NBEA: variants seen among roughly 807,000 people sequenced by gnomAD.
The protein encoded by NBEA is lysosomal-trafficking regulator 2.
Under a neutral mutation model 343.4 loss-of-function variants are expected in NBEA, and 44 were observed. The observed-to-expected ratio is 0.13, with a 90% CI of 0.10 to 0.16. NBEA has a LOEUF of 0.16. Among genes scored for constraint, NBEA ranks in the 10% least tolerant of loss-of-function variants. The pLI is 1.00. For synonymous variants in NBEA, 1,175 were observed against 1,238.7 expected, an observed-to-expected ratio of 0.95 and a Z score of 1.08; for missense variants, 2,555 against 3,631.3, an observed-to-expected ratio of 0.70 and a Z score of 7.62.
intron 40 of NBEA, among the ~76,000 whole-genome samples, chr13:35,453,608 G>C (rs1434971271): frequency 1.3e-5 from 2 of 152,104 alleles, no homozygotes; most frequent in East Asian, 3.8e-4. Flanking sequence ...GACCCTTTTA[G>C]ATTATGTGTT....
At chr13:35,020,212 T>C (rs950095775) in intron 1 of NBEA, among the ~76,000 whole-genome samples, 4 of 152,178 alleles carry the variant, frequency 2.6e-5, no homozygotes, top group African/African-American at 4.8e-5. Flanking sequence ...CATTTTTATT[T>C]AGCTCAAAAA....
intron 35 of NBEA, among the ~76,000 whole-genome samples, chr13:35,293,035 C>T (rs1163348603): frequency 2.0e-5 from 3 of 151,768 alleles, no homozygotes. Flanking sequence ...TTGGAAATTT[C>T]CTGTTAGCAA....
intron 41 of NBEA, chr13:35,477,138 G>T (rs2075910546): frequency 1.2e-5 from 2 of 166,884 alleles, no homozygotes; most frequent in Non-Finnish European, 2.9e-5. Flanking sequence ...TTAAATGCAG[G>T]TTGAAAGTTT....
chr13:35,577,900 G>A (rs936525317), intron 45 of NBEA, among the ~76,000 whole-genome samples: 2 of 152,088 alleles, frequency 1.3e-5, no homozygotes, highest in African/African-American at 4.8e-5. Flanking sequence ...TAAAAAGGGA[G>A]CCCGGGAATT....
intron 1 of NBEA, among the ~76,000 whole-genome samples, chr13:35,039,100 G>A (rs2062555022): frequency 6.6e-6 from 1 of 152,116 alleles, no homozygotes; most frequent in African/African-American, 2.4e-5. Context: ...TCTTGTGGGT[G>A]GACATCAGCT....
chr13:35,400,522 G>A (rs979589354), intron 38 of NBEA, among the ~76,000 whole-genome samples: 4 of 151,812 alleles, frequency 2.6e-5, no homozygotes, highest in African/African-American at 9.7e-5. Flanking sequence ...TATTTTTTGA[G>A]GATTATACCA....
chr13:35,242,743 C>T (rs1023135546), intron 34 of NBEA, among the ~76,000 whole-genome samples: 1 of 151,730 alleles, frequency 6.6e-6, no homozygotes, highest in Non-Finnish European at 1.5e-5. Flanking sequence ...ATTTAAAGTG[C>T]ATGAAGTAAA....
chr13:35,499,763 C>T (rs1250941281), intron 41 of NBEA, among the ~76,000 whole-genome samples: 1 of 152,104 alleles, frequency 6.6e-6, no homozygotes, highest in Non-Finnish European at 1.5e-5. Flanking sequence ...TTTCTCCCCT[C>T]AGACTGCCTA....
intron 33 of NBEA, among the ~76,000 whole-genome samples, chr13:35,231,173 G>C (rs769251447): frequency 6.6e-6 from 1 of 152,044 alleles, no homozygotes; most frequent in Non-Finnish European, 1.5e-5. Context: ...CTGTTGACAC[G>C]GGTAAGAGGA....
intron 44 of NBEA, among the ~76,000 whole-genome samples, chr13:35,558,836 C>A (rs1475605325): frequency 6.6e-6 from 1 of 152,072 alleles, no homozygotes; most frequent in Non-Finnish European, 1.5e-5. Context: ...GGATTAAGTG[C>A]CATTCAGTGT....
At chr13:35,511,007 G>GA (rs1269248567) in intron 41 of NBEA, among the ~76,000 whole-genome samples, 2 of 151,978 alleles carry the variant, frequency 1.3e-5, no homozygotes, top group Admixed American at 6.6e-5. Context: ...ATAATAAGTA[G>GA]AAAACATGAA....
At chr13:35,388,695 G>T (rs1042303224) in intron 38 of NBEA, among the ~76,000 whole-genome samples, 1 of 152,172 alleles carries the variant, frequency 6.6e-6, no homozygotes, top group Non-Finnish European at 1.5e-5. Flanking sequence ...ATTGTGCTTA[G>T]TTAAATAAAT....
At chr13:35,143,889 T>G (rs2068239513) in intron 18 of NBEA, among the ~76,000 whole-genome samples, 1 of 147,310 alleles carries the variant, frequency 6.8e-6, no homozygotes, top group African/African-American at 2.6e-5. Flanking sequence ...CCCTGTCCCC[T>G]TCAAAAAAAA....
At chr13:35,077,271 T>C (rs2064161368) in intron 10 of NBEA, among the ~76,000 whole-genome samples, 1 of 152,142 alleles carries the variant, frequency 6.6e-6, no homozygotes, top group South Asian at 2.1e-4. Flanking sequence ...GCCTTCAATT[T>C]AGGCTTATAC....
intron 18 of NBEA, among the ~76,000 whole-genome samples, chr13:35,145,170 A>G (rs1160328602): frequency 1.3e-5 from 2 of 152,202 alleles, no homozygotes. Flanking sequence ...TGACCATTCA[A>G]GTAGTTCATG....
chr13:35,406,209 T>A (rs2043259598), intron 38 of NBEA, among the ~76,000 whole-genome samples: 1 of 152,160 alleles, frequency 6.6e-6, no homozygotes, highest in Admixed American at 6.6e-5. Flanking sequence ...TTTTCCTTCA[T>A]GTTAATAAAG....
chr13:35,465,037 G>C (rs978458384), intron 40 of NBEA, among the ~76,000 whole-genome samples: 3 of 151,994 alleles, frequency 2.0e-5, no homozygotes, highest in Admixed American at 1.3e-4. Flanking sequence ...AACCATAATA[G>C]TATGCATGTA....
chr13:35,652,015 CT>C (rs2084548215), intron 53 of NBEA, 139 bp downstream of exon 53: 2 of 620,032 alleles, frequency 3.2e-6, no homozygotes, highest in Non-Finnish European at 5.7e-6. Context: ...CATCAAGGAG[CT>C]GTGTAAATCA....
At chr13:35,589,121 T>C (rs2081412828) in intron 46 of NBEA, among the ~76,000 whole-genome samples, 1 of 152,092 alleles carries the variant, frequency 6.6e-6, no homozygotes, top group Admixed American at 6.6e-5. Context: ...CAGAGGAAGA[T>C]GAGAAATACT....
Sources: allele counts gnomAD v4.1 joint callset (sites outside exome capture counted in the v4.1 genomes callset), GRCh38; gene constraint gnomAD v4.1.1; transcripts MANE v1.5; gene names NCBI Gene and HGNC (gene_info 2026-07-23, HGNC 2026-07-21).